The following RBFOX1 variants were observed in gnomAD, a reference collection of about 807,000 sequenced individuals.
The protein encoded by RBFOX1 is RNA binding protein fox-1 homolog 1.
A neutral mutation model predicts 57.7 loss-of-function variants in RBFOX1; 8 were observed. That is an observed-to-expected ratio of 0.14 (90% CI 0.08 to 0.25). RBFOX1 has a LOEUF of 0.25. RBFOX1 is among the 10% of genes least tolerant of loss of function. RBFOX1 has a pLI of 1.00. For missense variants in RBFOX1, 611 were observed against 548.5 expected, an observed-to-expected ratio of 1.11 and a Z score of -1.14; for synonymous variants, 326 against 222.4, an observed-to-expected ratio of 1.47 and a Z score of -4.15.
intron 1 of RBFOX1, among the ~76,000 whole-genome samples, chr16:5,390,614 A>G (rs2066381480): frequency 6.6e-6 from 1 of 152,054 alleles, no homozygotes; most frequent in African/African-American, 2.4e-5. Flanking sequence ...AAATGTCACA[A>G]TATATCATGG....
chr16:6,341,368 T>G (rs2084549096), intron 2 of RBFOX1, among the ~76,000 whole-genome samples: 1 of 152,096 alleles, frequency 6.6e-6, no homozygotes, highest in Non-Finnish European at 1.5e-5. Flanking sequence ...TTCTTCTCCA[T>G]CTTGTATAGG....
intron 2 of RBFOX1, among the ~76,000 whole-genome samples, chr16:5,586,732 C>T (rs1238824808): frequency 1.3e-5 from 2 of 152,156 alleles, no homozygotes; most frequent in Non-Finnish European, 2.9e-5. Context: ...CTCGTGGCGT[C>T]AATGATCTCC....
chr16:7,503,493 C>A (rs1364234326), intron 4 of RBFOX1, among the ~76,000 whole-genome samples: 1 of 152,162 alleles, frequency 6.6e-6, no homozygotes, highest in Non-Finnish European at 1.5e-5. Flanking sequence ...GGGACAGAAT[C>A]CATCCTTCTC....
At chr16:7,531,115 G>C (rs992856399) in intron 5 of RBFOX1, among the ~76,000 whole-genome samples, 1 of 152,160 alleles carries the variant, frequency 6.6e-6, no homozygotes, top group Non-Finnish European at 1.5e-5. Flanking sequence ...TTTTGAAAGT[G>C]AAAAGGCAAT....
intron 4 of RBFOX1, among the ~76,000 whole-genome samples, chr16:7,067,507 T>G (rs1270665229): frequency 6.6e-6 from 1 of 151,814 alleles, no homozygotes; most frequent in East Asian, 1.9e-4. Flanking sequence ...GTTGTAGAAC[T>G]GAGGTCCCTG....
intron 2 of RBFOX1, among the ~76,000 whole-genome samples, chr16:5,478,327 A>G (rs1238814310): frequency 2.0e-5 from 3 of 152,188 alleles, no homozygotes; most frequent in African/African-American, 7.2e-5. Flanking sequence ...GGCTCTGAGC[A>G]TGGGGATTTG....
chr16:7,000,569 CTTTTCT>C (rs1169265707), intron 3 of RBFOX1, among the ~76,000 whole-genome samples: 1 of 119,582 alleles, frequency 8.4e-6, no homozygotes, highest in Admixed American at 8.2e-5. Context: ...AATAAGTTTT[CTTTTCT>C]TTTTTTCTTT....
rs534373572 is a variant in RBFOX1, at chr16:6,884,251, C to T, written c.-15-167806C>T. 6.6e-5 allele frequency among the ~76,000 whole-genome samples: 10 copies of T among 152,236 alleles called. No individual in the cohort carries two copies. The East Asian group carries it at 1.9e-3, about 30-fold the overall frequency. On this transcript the variant is annotated intron_variant, in intron 3 of 15. Transcript: ENST00000550418. ...GAGGCCAGGGACCCAGGGAGCGTGG[C>T]AATAAGTATGTGTCCAGCTTTCCAA...
At chr16:7,044,871 G>T (rs929383843) in intron 3 of RBFOX1, among the ~76,000 whole-genome samples, 1 of 152,054 alleles carries the variant, frequency 6.6e-6, no homozygotes, top group Admixed American at 6.6e-5. Context: ...TCCCCACCCG[G>T]AGCCTCTCCC....
At chr16:6,753,413 C>T (rs1048596268) in intron 3 of RBFOX1, among the ~76,000 whole-genome samples, 5 of 152,130 alleles carry the variant, frequency 3.3e-5, no homozygotes, top group African/African-American at 9.7e-5. Context: ...TGTGTGCCTG[C>T]ATTAATATCT....
chr16:7,315,070 A>C (rs182079414), intron 4 of RBFOX1, among the ~76,000 whole-genome samples: 1 of 142,162 alleles, frequency 7.0e-6, no homozygotes, highest in African/African-American at 2.6e-5. Flanking sequence ...CAATCTTTCA[A>C]GATACCAGCA....
chr16:5,925,992 C>A (rs1193910049), intron 4 of RBFOX1, among the ~76,000 whole-genome samples: 1 of 152,176 alleles, frequency 6.6e-6, no homozygotes, highest in Admixed American at 6.5e-5. Flanking sequence ...CTGTTTACTA[C>A]AGGTGTGGTA....
chr16:7,329,923 T>G (rs1426103939), intron 4 of RBFOX1, among the ~76,000 whole-genome samples: 5 of 152,204 alleles, frequency 3.3e-5, no homozygotes, highest in African/African-American at 1.2e-4. Context: ...TATATAAGCA[T>G]ATATACACAC....
chr16:6,733,737 G>A lies in RBFOX1; in HGVS notation c.-16+79087G>A, dbSNP rs532047524. Among the ~76,000 whole-genome samples the A allele has an allele frequency of 3.0e-4, 46 of 151,782 alleles. 1 individual carries two copies. In the South Asian group the frequency reaches 8.5e-3, roughly 28 times the overall value. ...CACACCACTGCACTCCAGCCCGGGC[G>A]AAAGAGCGAGACCCTGCCTTAAAAA... is the stretch of plus-strand genomic sequence containing the variant. On this transcript the variant is annotated intron_variant, in intron 3 of 15. Coordinates refer to ENST00000550418, the MANE Select transcript of RBFOX1 (RefSeq NM_018723.4).
Position 5,901,267 on chromosome 16 carries a change from C to A in RBFOX1, c.351+33932C>A, listed in dbSNP as rs118176670. The stretch of plus-strand genomic sequence containing the variant: ...CACGCGGTCTTTGTTTTAGGCAGGT[C>A]CTAATCGTTCCTCTTTGAAACAATT... On this transcript the variant is annotated intron_variant, in intron 4 of 19. Transcript: ENST00000641259. Among the ~76,000 whole-genome samples, 722 of 152,282 alleles carry A rather than the reference C, an allele frequency of 4.7e-3. 1 individual carries two copies. The highest frequency in any genetic ancestry group is 7.1e-3 in the Non-Finnish European group (481 of 68,024).
rs114147824 is a variant in RBFOX1 at position 7,097,557 on chromosome 16, A to G, written c.27+45459A>G. ...GGAATCATTTCTTTCTAGGATTTTA[A>G]GCACCTCTCCATCTGCCTCAAATAA... On this transcript the variant is annotated intron_variant, in intron 4 of 15. Transcript: ENST00000550418. 4.0e-3 allele frequency among the ~76,000 whole-genome samples: 612 copies of G among 152,310 alleles called. 1 individual carries two copies. The highest frequency in any genetic ancestry group is 0.014 in the African/African-American group (592 of 41,562).
rs528928385 is a variant in RBFOX1 at position 5,811,984 on chromosome 16, A to G, written c.319-55319A>G. On this transcript the variant is annotated intron_variant, in intron 3 of 19. Coordinates refer to the RBFOX1 transcript ENST00000641259. ...AAAACTCCAGGAAATGACTGATCTG[A>G]TTTCTATCTCTAGGAATTTGCCCTT... Among the ~76,000 whole-genome samples, 3 of 152,266 alleles carry G rather than the reference A, an allele frequency of 2.0e-5. No homozygotes were observed. In the South Asian group the frequency reaches 6.2e-4, roughly 32 times the overall value.
At chr16:6,836,943 A>G (rs1332001662) in intron 3 of RBFOX1, among the ~76,000 whole-genome samples, 1 of 152,148 alleles carries the variant, frequency 6.6e-6, no homozygotes, top group Admixed American at 6.5e-5. Context: ...CTTCCATATC[A>G]GTAGAAGGGT....
At chr16:6,085,408 G>C (rs923238774) in intron 1 of RBFOX1, among the ~76,000 whole-genome samples, 1 of 152,196 alleles carries the variant, frequency 6.6e-6, no homozygotes, top group African/African-American at 2.4e-5. Flanking sequence ...GAGTAGCTGG[G>C]AGTACAGGTA....
Sources: gnomAD v4.1 joint callset for allele counts (sites outside exome capture counted in the v4.1 genomes callset) on GRCh38, gnomAD v4.1.1 for gene constraint, MANE v1.5 for transcripts, NCBI Gene and HGNC (gene_info 2026-07-23, HGNC 2026-07-21) for gene names.